The following RBFOX1 variants were observed in gnomAD, a reference collection of about 807,000 sequenced individuals.
RBFOX1 encodes RNA binding fox-1 homolog 1.
Under a neutral mutation model 57.7 loss-of-function variants are expected in RBFOX1, and 8 were observed. That is an observed-to-expected ratio of 0.14 (90% CI 0.08 to 0.25). The LOEUF (loss-of-function observed/expected upper bound fraction) is 0.25. Among genes scored for constraint, RBFOX1 ranks in the 10% least tolerant of loss-of-function variants. The pLI is 1.00. For missense variants in RBFOX1, 611 were observed against 548.5 expected (o/e 1.11, Z -1.14); for synonymous variants, 326 against 222.4 (o/e 1.47, Z -4.15).
At chr16:6,838,760 T>C (rs1443286126) in intron 3 of RBFOX1, among the ~76,000 whole-genome samples, 2 of 152,170 alleles carry the variant, frequency 1.3e-5, no homozygotes, top group African/African-American at 4.8e-5. Context: ...TCCAGGGGTC[T>C]CAATTAGTGT....
chr16:6,210,510 A>G (rs1339340689), intron 1 of RBFOX1, among the ~76,000 whole-genome samples: 3 of 152,044 alleles, frequency 2.0e-5, no homozygotes, highest in African/African-American at 7.2e-5. Flanking sequence ...CAAGAGGATC[A>G]CTTGAGCCCA....
At chr16:7,480,922 G>C (rs887485) in intron 4 of RBFOX1, among the ~76,000 whole-genome samples, 26,951 of 152,094 alleles carry the variant, frequency 0.18, 3,250 homozygotes, top group East Asian at 0.41. Context: ...AGGGGCAGGG[G>C]TAGGGGTCTC....
intron 4 of RBFOX1, among the ~76,000 whole-genome samples, chr16:7,468,608 G>A (rs2060964871): frequency 6.6e-6 from 1 of 152,124 alleles, no homozygotes; most frequent in African/African-American, 2.4e-5. Context: ...GTCCCAGAAT[G>A]AGCCTTTTAG....
At chr16:5,454,935 C>T (rs2068565364) in intron 1 of RBFOX1, among the ~76,000 whole-genome samples, 30 of 40,182 alleles carry the variant, frequency 7.5e-4, no homozygotes, top group African/African-American at 2.9e-3. Flanking sequence ...TTCTTCCTTC[C>T]TTCCTTCCTT....
At chr16:7,359,130 G>C (rs951691851) in intron 4 of RBFOX1, among the ~76,000 whole-genome samples, 4 of 152,156 alleles carry the variant, frequency 2.6e-5, no homozygotes, top group Non-Finnish European at 4.4e-5. Context: ...TGTTGGCTTT[G>C]GGTCCAATTC....
chr16:7,158,232 G>A (rs191188068), intron 4 of RBFOX1, among the ~76,000 whole-genome samples: 5 of 152,102 alleles, frequency 3.3e-5, no homozygotes, highest in African/African-American at 1.2e-4. Flanking sequence ...TGTAATCCCA[G>A]CTACTTAGGA....
At chr16:6,573,928 C>G (rs2097383184) in intron 2 of RBFOX1, 1 of 152,198 alleles carries the variant, frequency 6.6e-6, no homozygotes, top group Non-Finnish European at 1.5e-5. Flanking sequence ...GACAGGCAAG[C>G]CATACTGGCC....
chr16:6,350,444 G>GAAAAAAAAAAAAAAAAAAAAAAAAAA (rs569363563), intron 2 of RBFOX1, among the ~76,000 whole-genome samples: 3 of 74,618 alleles, frequency 4.0e-5, no homozygotes, highest in African/African-American at 5.8e-5. Context: ...TCTGTCTCAA[G>GAAAAAAAAAAAAAAAAAAAAAAAAAA]AAAAAAAAAA....
At position 5,738,635 on chromosome 16, in the gene RBFOX1, G is replaced by GAAAAAAAAAAA. The variant is rs61011633; in HGVS notation, c.319-128658_319-128648dup. Among the ~76,000 whole-genome samples, 150 of 61,180 alleles carry GAAAAAAAAAAA rather than the reference G, an allele frequency of 2.5e-3. 3 individuals carry two copies. Among genetic ancestry groups the GAAAAAAAAAAA allele is most frequent in the Non-Finnish European group, 3.9e-3 (130 of 33,192 alleles). The allele number at this position is 61,180 out of a possible 152,430, so 40.1% of individuals were successfully genotyped here. On this transcript the variant is annotated intron_variant, in intron 3 of 19. Coordinates refer to the RBFOX1 transcript ENST00000641259. ...GGCGACAGAGCAAGGCTCTGTCTCA[G>GAAAAAAAAAAA]AAAAAAAAAAAAAAAAAAAAGGGAA... is the stretch of plus-strand genomic sequence containing the variant.
intron 2 of RBFOX1, among the ~76,000 whole-genome samples, chr16:5,491,556 A>T (rs756237338): frequency 3.9e-5 from 6 of 152,244 alleles, no homozygotes; most frequent in Non-Finnish European, 7.3e-5. Flanking sequence ...ATACAACAGG[A>T]TTCTTACAGC....
chr16:7,094,792 TGAGAGAGA>T (rs5815368), intron 4 of RBFOX1, among the ~76,000 whole-genome samples: 1 of 121,076 alleles, frequency 8.3e-6, no homozygotes, highest in Non-Finnish European at 1.7e-5. Flanking sequence ...GTGTGTGTGT[TGAGAGAGA>T]GAGAGATTGA....
chr16:7,093,667 A>G (rs1206685694), intron 4 of RBFOX1, among the ~76,000 whole-genome samples: 1 of 152,100 alleles, frequency 6.6e-6, no homozygotes, highest in Non-Finnish European at 1.5e-5. Context: ...CTCTAGCTTA[A>G]CCATTCATGG....
At chr16:6,463,855 C>G (rs1034334815) in intron 2 of RBFOX1, among the ~76,000 whole-genome samples, 2 of 152,098 alleles carry the variant, frequency 1.3e-5, no homozygotes, top group African/African-American at 2.4e-5. Context: ...TCCTCACTGG[C>G]TAGACTAGCT....
chr16:7,438,424 G>T (rs2098739565), intron 4 of RBFOX1, among the ~76,000 whole-genome samples: 1 of 152,042 alleles, frequency 6.6e-6, no homozygotes, highest in Admixed American at 6.6e-5. Context: ...TAGCCGTTTT[G>T]CCCTGTCCTG....
chr16:5,292,942 A>C (rs750435557), intron 1 of RBFOX1, among the ~76,000 whole-genome samples: 1 of 152,080 alleles, frequency 6.6e-6, no homozygotes, highest in South Asian at 2.1e-4. Context: ...TTTTAAAAGC[A>C]CATTTCTCTC....
chr16:7,469,223 C>T (rs1382040372), intron 4 of RBFOX1, among the ~76,000 whole-genome samples: 1 of 110,962 alleles, frequency 9.0e-6, no homozygotes, highest in East Asian at 4.6e-4. Flanking sequence ...CGTGAGCCAC[C>T]TAATTTTTTT....
At chr16:5,678,652 G>C (rs2050240591) in intron 3 of RBFOX1, among the ~76,000 whole-genome samples, 1 of 152,118 alleles carries the variant, frequency 6.6e-6, no homozygotes, top group African/African-American at 2.4e-5. Context: ...AGGCAAGTGA[G>C]AACCTCAGCT....
intron 3 of RBFOX1, among the ~76,000 whole-genome samples, chr16:5,676,591 T>A (rs2050175973): frequency 6.6e-6 from 1 of 152,132 alleles, no homozygotes; most frequent in Admixed American, 6.6e-5. Flanking sequence ...CTGGGTGTGG[T>A]GGCTCATACC....
rs141022273 is a variant in RBFOX1 at position 7,282,602 on chromosome 16, A to G, written c.27+230504A>G. ...TCGTTCTTTTAAAAAATTTTTCCAT[A>G]GGTTATTGGGGGAACAGGTGGTGTT... On this transcript the variant is annotated intron_variant, in intron 4 of 15. Coordinates refer to ENST00000550418, the MANE Select transcript of RBFOX1 (RefSeq NM_018723.4). Among the ~76,000 whole-genome samples the G allele has an allele frequency of 4.6e-5, 7 of 151,048 alleles. 1 individual carries two copies. The highest frequency in any genetic ancestry group is 1.7e-4 in the African/African-American group (7 of 41,072).
Sources: allele counts gnomAD v4.1 joint callset (sites outside exome capture counted in the v4.1 genomes callset), GRCh38; gene constraint gnomAD v4.1.1; transcripts MANE v1.5; gene names NCBI Gene and HGNC (gene_info 2026-07-23, HGNC 2026-07-21).